Variants in NCAPD3 observed in about 807,000 individuals in gnomAD.
NCAPD3 encodes the protein non-SMC condensin II complex subunit D3, also known as condensin-2 complex subunit D3.
Under a neutral mutation model 182.9 loss-of-function variants are expected in NCAPD3, and 105 were observed. That is an observed-to-expected ratio of 0.57 (90% confidence interval 0.49 to 0.68). The LOEUF is 0.68. NCAPD3 is among the 30% of genes least tolerant of loss of function. The probability of loss-of-function intolerance (pLI) is 0.00; values close to 1 mark genes in which losing one functional copy is unlikely to be tolerated. For synonymous variants in NCAPD3, 815 were observed against 679.9 expected (o/e 1.20, Z -3.09); for missense variants, 1,944 against 1,837.0 (o/e 1.06, Z -1.07).
chr11:134,219,374 C>T (rs1290989559), intron 2 of NCAPD3, among the ~76,000 whole-genome samples: 1 of 152,162 alleles, frequency 6.6e-6, no homozygotes, highest in Non-Finnish European at 1.5e-5. Context: ...GAACTCTCCA[C>T]CCCCTGCAAC....
intron 19 of NCAPD3, among the ~76,000 whole-genome samples, chr11:134,183,914 C>A (rs1370481673): frequency 6.6e-6 from 1 of 152,186 alleles, no homozygotes; most frequent in African/African-American, 2.4e-5. Context: ...TATATCCCAG[C>A]AATTATTTAA....
chr11:134,152,623 T>G lies in NCAPD3; in HGVS notation c.*321A>C, dbSNP rs781581202. The G allele has an allele frequency of 4.5e-6, 1 of 223,962 alleles. No individual in the cohort carries two copies. 13.9% of individuals were successfully genotyped at this position (223,962 alleles called of 1,614,324 possible). On this transcript the variant is annotated 3_prime_UTR_variant, in exon 35 of 35. Coordinates refer to ENST00000534548, the MANE Select transcript of NCAPD3 (RefSeq NM_015261.3). ...GATTTATATAAAAGAAAGCTGCAGT[T>G]TTAAAGTTGTGTTCCTTAAAGACCA...
chr11:134,158,566 T>G lies in NCAPD3; in HGVS notation c.3868-71A>C, dbSNP rs190527315. 5.1e-5 allele frequency: 76 copies of G among 1,484,966 alleles called. No homozygotes were observed. The African/African-American group carries it at 9.8e-4, about 19-fold the overall frequency. 92.0% of individuals were successfully genotyped at this position (1,484,966 alleles called of 1,614,324 possible). ...TTTTCAAAAACGGATATATGATAGT[T>G]GTACATGGTTGGGGGTCCATATGAG... On this transcript the variant is annotated intron_variant, in intron 29 of 34. Coordinates refer to ENST00000534548, the MANE Select transcript of NCAPD3 (RefSeq NM_015261.3).
At chr11:134,216,539 A>G (rs995430355) in intron 3 of NCAPD3, among the ~76,000 whole-genome samples, 4 of 152,048 alleles carry the variant, frequency 2.6e-5, no homozygotes, top group African/African-American at 9.7e-5. Context: ...AATGGTTTTA[A>G]TCTATTTTTC....
intron 2 of NCAPD3, 65 bp from the exon 3 acceptor site, chr11:134,217,163 G>T: frequency 2.1e-6 from 3 of 1,429,182 alleles, no homozygotes; most frequent in South Asian, 3.2e-5. Flanking sequence ...CCTATTATTT[G>T]ATTTTTGTAA....
At chr11:134,178,162 T>C (rs1944214818) in intron 22 of NCAPD3, 1 of 152,508 alleles carries the variant, frequency 6.6e-6, no homozygotes, top group Non-Finnish European at 1.5e-5. Flanking sequence ...TAAATAGTCA[T>C]CTAGCCAATT....
intron 4 of NCAPD3, 104 bp downstream of exon 4, chr11:134,210,165 TG>T: frequency 1.1e-6 from 1 of 939,232 alleles, no homozygotes; most frequent in East Asian, 2.4e-5. Flanking sequence ...TAGGACCATT[TG>T]CCTATAATCA....
At chr11:134,199,327 T>C (rs1944700404) in intron 13 of NCAPD3, among the ~76,000 whole-genome samples, 1 of 152,214 alleles carries the variant, frequency 6.6e-6, no homozygotes, top group Non-Finnish European at 1.5e-5. Flanking sequence ...CCCTTTTCTT[T>C]ATTTATATGG....
In NCAPD3 at chr11:134,161,836, G is replaced by C. The variant is rs746040448; in HGVS notation, c.3629C>G (p.Thr1210Ser). 2 of 1,593,318 alleles carry C rather than the reference G, an allele frequency of 1.3e-6. No homozygotes were observed. Among genetic ancestry groups the C allele is most frequent in the East Asian group, 2.2e-5 (1 of 44,742 alleles). ...TGGGATCTTATTTTTCTCCAGCACA[G>C]TCTTCAGGGAGATGATAATTGGAAT... The part of the protein sequence containing the change: ...NIIPIIISLK[T>S]VLEKNKIPAL... The change falls in exon 28 of 35, where the codon ACT (threonine) becomes AGT (serine). Residue 1210 changes from threonine to serine, a missense_variant. Physicochemically the swap from Thr to Ser is moderately conservative, Grantham distance 58. This residue lies in a region of NCAPD3 where 1,803 missense variants were observed against 1,674.6 expected (regional missense o/e 1.08). Coordinates refer to ENST00000534548, the MANE Select transcript of NCAPD3 (RefSeq NM_015261.3).
At chr11:134,189,825 T>C (rs994429336) in intron 16 of NCAPD3, among the ~76,000 whole-genome samples, 5 of 151,892 alleles carry the variant, frequency 3.3e-5, no homozygotes, top group African/African-American at 7.3e-5. Flanking sequence ...AAATTCTATT[T>C]GACTCTATTT....
At chr11:134,181,237 C>A in intron 19 of NCAPD3, 53 bp from the exon 20 acceptor site, 1 of 1,158,198 alleles carries the variant, frequency 8.6e-7, no homozygotes, top group Non-Finnish European at 1.3e-6. Context: ...TCCCAGACTA[C>A]CCATGAAACA....
chr11:134,194,281 T>C lies in NCAPD3; in HGVS notation c.1690-131A>G, dbSNP rs1466931295. 2.4e-5 allele frequency: 21 copies of C among 876,348 alleles called. No homozygotes were observed. In the East Asian group the frequency reaches 5.4e-4, roughly 22 times the overall value. 54.3% of individuals were successfully genotyped at this position (876,348 alleles called of 1,614,324 possible). A position where few individuals can be genotyped will look rare whatever the true frequency, so the allele number is the denominator to read the frequency against. ...TTTGGGGTCATGGATCCAACCTTCC[T>C]CCTCACAACATCCCATTTTTCAGAA... On this transcript the variant is annotated intron_variant, in intron 14 of 34. Transcript: ENST00000534548.
intron 27 of NCAPD3, among the ~76,000 whole-genome samples, chr11:134,167,599 CTCACT>C (rs1253374524): frequency 7.0e-5 from 8 of 114,308 alleles, no homozygotes; most frequent in East Asian, 5.6e-4. Context: ...GAGGGGCACA[CTCACT>C]AGTGAGATGA....
chr11:134,223,606 G>C, intron 1 of NCAPD3: 2 of 664,166 alleles, frequency 3.0e-6, no homozygotes, highest in African/African-American at 1.8e-5. Flanking sequence ...GGAAGGCCGA[G>C]AAAACAGATG....
intron 32 of NCAPD3, chr11:134,153,924 C>T: frequency 6.2e-6 from 1 of 161,114 alleles, no homozygotes; most frequent in Non-Finnish European, 1.4e-5. Context: ...TCCACCTCCC[C>T]CCTCGCCCTT....
chr11:134,158,525 T>C (rs1359453703), intron 29 of NCAPD3, 30 bp from the exon 30 acceptor site: 3 of 1,596,162 alleles, frequency 1.9e-6, no homozygotes, highest in African/African-American at 1.3e-5. Flanking sequence ...GTATGTACAT[T>C]CTAATACTTT....
Position 134,223,858 on chromosome 11 carries a change from CT to C in NCAPD3, c.64+4del. On this transcript the variant is annotated splice_donor_region_variant and intron_variant, in intron 1 of 34. Transcript: ENST00000534548. ...CCCCCGGGCCTCCCGGCTGCATCTG[CT>C]CACCGAGTCTAAGATCCAGCGGACA... 6.2e-7 allele frequency: 1 copy of C among 1,612,268 alleles called. No homozygotes were observed. The highest frequency in any genetic ancestry group is 8.5e-7 in the Non-Finnish European group (1 of 1,179,664).
intron 16 of NCAPD3, among the ~76,000 whole-genome samples, chr11:134,190,305 CTTT>C (rs1423159636): frequency 6.6e-6 from 1 of 152,196 alleles, no homozygotes; most frequent in African/African-American, 2.4e-5. Context: ...ATCCTACATA[CTTT>C]TTTATATTTT....
At chr11:134,189,155 G>C (rs1216166450) in intron 16 of NCAPD3, among the ~76,000 whole-genome samples, 1 of 152,140 alleles carries the variant, frequency 6.6e-6, no homozygotes, top group African/African-American at 2.4e-5. Flanking sequence ...GTTTCTGAAT[G>C]TATACTGAAC....
Sources: gnomAD v4.1 joint callset for allele counts (sites outside exome capture counted in the v4.1 genomes callset) on GRCh38, gnomAD v4.1.1 for gene constraint, gnomAD v4.1.1 regional missense constraint, MANE v1.5 for transcripts, NCBI Gene and HGNC (gene_info 2026-07-23, HGNC 2026-07-21) for gene names.